ZRANB3: variants seen among roughly 807,000 people sequenced by gnomAD.
ZRANB3 encodes DNA annealing helicase and endonuclease ZRANB3.
A neutral mutation model predicts 133.8 loss-of-function variants in ZRANB3; 125 were observed. The observed-to-expected ratio is 0.93, with a 90% CI of 0.81 to 1.08. The LOEUF is 1.08. ZRANB3 is among the 50% of genes least tolerant of loss of function. The pLI, the probability that ZRANB3 is intolerant of heterozygous loss-of-function variation, is 0.00. For missense variants in ZRANB3, 1,229 were observed against 1,275.5 expected (o/e 0.96, Z 0.56); for synonymous variants, 387 against 432.7 (o/e 0.89, Z 1.31).
intron 2 of ZRANB3, among the ~76,000 whole-genome samples, chr2:135,487,073 A>G (rs114750095): frequency 0.015 from 2,271 of 152,352 alleles, 26 homozygotes; most frequent in Middle Eastern, 0.031. Context: ...ACTCCTGGAT[A>G]CATGGGCTAC....
chr2:135,447,349 T>TTA (rs931214311), intron 2 of ZRANB3, among the ~76,000 whole-genome samples: 2 of 152,164 alleles, frequency 1.3e-5, no homozygotes. Context: ...AACACTTTAT[T>TTA]AAGTTTTAAA....
intron 3 of ZRANB3, among the ~76,000 whole-genome samples, chr2:135,376,931 C>T (rs1686455160): frequency 6.6e-6 from 1 of 152,196 alleles, no homozygotes; most frequent in Non-Finnish European, 1.5e-5. Context: ...GAAATATCCT[C>T]ACTGGAGGAT....
chr2:135,277,743 G>A (rs776780792), intron 8 of ZRANB3, among the ~76,000 whole-genome samples: 3 of 152,030 alleles, frequency 2.0e-5, no homozygotes, highest in Non-Finnish European at 2.9e-5. Flanking sequence ...TGGCCAACAC[G>A]GTGAAACCCC....
At chr2:135,480,780 A>C (rs2104792432) in intron 2 of ZRANB3, among the ~76,000 whole-genome samples, 1 of 107,258 alleles carries the variant, frequency 9.3e-6, no homozygotes, top group South Asian at 3.7e-4. Flanking sequence ...CCACCCGACA[A>C]CAGTCCCCAG....
intron 2 of ZRANB3, among the ~76,000 whole-genome samples, chr2:135,412,966 T>C (rs1408200706): frequency 1.3e-5 from 2 of 152,194 alleles, no homozygotes; most frequent in African/African-American, 2.4e-5. Context: ...ATTATGTACC[T>C]TGAAATTATT....
Position 135,230,591 on chromosome 2 carries a change from G to A in ZRANB3, c.1876C>T (p.Gln626Ter). ...TTPAFPVEGW[Q>*]CSLCTYINNS... is the part of the protein sequence containing the mutation. Reference sequence around the variant, plus strand: ...TTGATATAGGTGCAGAGACTACATTGCCAGCCCTCTACAGGAAAGGCTGGG... The same window carrying A: ...TTGATATAGGTGCAGAGACTACATTACCAGCCCTCTACAGGAAAGGCTGGG... The change falls in exon 13 of 21, where the codon CAA becomes TAA. Residue 626 changes from glutamine (Q) to a stop codon, truncating the protein, a stop_gained. Coordinates refer to ENST00000264159, the MANE Select transcript of ZRANB3 (RefSeq NM_032143.4). LOFTEE classifies it high-confidence loss of function. The A allele has an allele frequency of 6.2e-7, 1 of 1,605,538 alleles. No homozygotes were observed. The highest frequency in any genetic ancestry group is 8.5e-7 in the Non-Finnish European group (1 of 1,177,478).
intron 2 of ZRANB3, among the ~76,000 whole-genome samples, chr2:135,404,381 C>T (rs1029778432): frequency 1.3e-5 from 2 of 151,846 alleles, no homozygotes; most frequent in East Asian, 1.9e-4. Context: ...TGAAATGAAG[C>T]GAGAAGAGAA....
At chr2:135,268,813 C>A (rs887947854) in intron 11 of ZRANB3, 149 bp downstream of exon 11, 2 of 677,016 alleles carry the variant, frequency 3.0e-6, no homozygotes. Flanking sequence ...ACTACTGAAG[C>A]CTTTTCTTAA....
intron 1 of ZRANB3, 35 bp from the exon 2 acceptor site, chr2:135,504,531 A>G: frequency 6.4e-7 from 1 of 1,567,840 alleles, no homozygotes; most frequent in Non-Finnish European, 8.6e-7. Context: ...AGGGAGGGGT[A>G]TAAGAAATAG....
intron 2 of ZRANB3, among the ~76,000 whole-genome samples, chr2:135,496,384 T>TAAAA (rs56770947): frequency 3.0e-5 from 1 of 33,318 alleles, no homozygotes; most frequent in Non-Finnish European, 8.6e-5. Flanking sequence ...AACTCCATCT[T>TAAAA]AAAAAAAAAA....
At chr2:135,303,408 A>C (rs1682535898) in intron 8 of ZRANB3, among the ~76,000 whole-genome samples, 1 of 152,124 alleles carries the variant, frequency 6.6e-6, no homozygotes. Context: ...GTGTGAAATA[A>C]TGTTCAAGAC....
intron 6 of ZRANB3, among the ~76,000 whole-genome samples, chr2:135,324,261 G>A (rs1683687840): frequency 6.8e-6 from 1 of 146,014 alleles, no homozygotes; most frequent in Non-Finnish European, 1.5e-5. Flanking sequence ...GCCCCGGTGT[G>A]TGATGTCCCC....
chr2:135,355,509 C>T (rs1198390488), intron 3 of ZRANB3, among the ~76,000 whole-genome samples: 1 of 152,020 alleles, frequency 6.6e-6, no homozygotes, highest in Non-Finnish European at 1.5e-5. Context: ...TGGCATGCCC[C>T]ACCACGCCTG....
At chr2:135,393,097 G>A (rs941305110) in intron 2 of ZRANB3, among the ~76,000 whole-genome samples, 1 of 151,724 alleles carries the variant, frequency 6.6e-6, no homozygotes, top group Non-Finnish European at 1.5e-5. Context: ...AGAACTCCTG[G>A]ACTCATGTGA....
intron 3 of ZRANB3, among the ~76,000 whole-genome samples, chr2:135,377,623 G>T (rs1686486407): frequency 2.6e-5 from 4 of 152,174 alleles, no homozygotes; most frequent in Admixed American, 2.0e-4. Context: ...GATAAAGAAA[G>T]TAGTAATGAA....
intron 15 of ZRANB3, among the ~76,000 whole-genome samples, chr2:135,223,070 G>A (rs542927612): frequency 1.3e-5 from 2 of 151,882 alleles, no homozygotes; most frequent in South Asian, 2.1e-4. Context: ...TGGCCAATAT[G>A]GTGAAACATC....
At chr2:135,458,454 T>C (rs1359528919) in intron 2 of ZRANB3, among the ~76,000 whole-genome samples, 1 of 151,862 alleles carries the variant, frequency 6.6e-6, no homozygotes, top group African/African-American at 2.4e-5. Flanking sequence ...GTAATATCAG[T>C]TGATTTTAGA....
At chr2:135,369,665 T>C (rs1267380770) in intron 3 of ZRANB3, among the ~76,000 whole-genome samples, 1 of 152,208 alleles carries the variant, frequency 6.6e-6, no homozygotes, top group Non-Finnish European at 1.5e-5. Flanking sequence ...GAGACCACTA[T>C]AGCCGAAGTA....
rs1470494968 is a variant in ZRANB3 at position 135,281,010 on chromosome 2, T to C, written c.967-5255A>G. ...ACCTTTGATGTATAAACCCTTGGCC[T>C]GTCTTTAGCAAGAATCCCCTTACCC... On this transcript the variant is annotated intron_variant, in intron 8 of 20. Coordinates refer to ENST00000264159, the MANE Select transcript of ZRANB3 (RefSeq NM_032143.4). Among the ~76,000 whole-genome samples, 3 of 152,350 alleles carry C rather than the reference T, an allele frequency of 2.0e-5. No homozygotes were observed. In the East Asian group the frequency reaches 5.8e-4, roughly 29 times the overall value.
Sources: allele counts gnomAD v4.1 joint callset (sites outside exome capture counted in the v4.1 genomes callset), GRCh38; gene constraint gnomAD v4.1.1; transcripts MANE v1.5; gene names NCBI Gene and HGNC (gene_info 2026-07-23, HGNC 2026-07-21).